The following CTNNA2 variants were observed in gnomAD, a reference collection of about 807,000 sequenced individuals.
CTNNA2 encodes the protein catenin alpha-2.
CTNNA2 carries 42 observed loss-of-function variants against 101.0 expected under a neutral mutation model. The observed-to-expected ratio is 0.42, with a 90% CI of 0.32 to 0.54. The LOEUF (loss-of-function observed/expected upper bound fraction) is 0.54, where lower values mean the gene tolerates loss of function less well. CTNNA2 is among the 20% of genes least tolerant of loss of function. CTNNA2 has a pLI of 0.14. For missense variants in CTNNA2, 871 were observed against 1,223.1 expected (o/e 0.71, Z 4.29); for synonymous variants, 450 against 456.4 (o/e 0.99, Z 0.18).
At chr2:80,147,726 G>C (rs560101125) in intron 7 of CTNNA2, among the ~76,000 whole-genome samples, 6 of 152,220 alleles carry the variant, frequency 3.9e-5, no homozygotes, top group Admixed American at 2.6e-4. Flanking sequence ...GCAGTGTTTT[G>C]TGTTAGTCAT....
At chr2:79,551,106 A>G (rs1674072260) in intron 1 of CTNNA2, among the ~76,000 whole-genome samples, 3 of 152,230 alleles carry the variant, frequency 2.0e-5, no homozygotes, top group African/African-American at 4.8e-5. Flanking sequence ...ATTCGTCACT[A>G]TATAGCTGCT....
chr2:79,303,244 T>C (rs914399824), intron 2 of CTNNA2, among the ~76,000 whole-genome samples: 2 of 152,164 alleles, frequency 1.3e-5, no homozygotes, highest in African/African-American at 4.8e-5. Context: ...AGGATCCACG[T>C]CCTGAAGTGG....
intron 3 of CTNNA2, among the ~76,000 whole-genome samples, chr2:79,351,847 C>G (rs533109262): frequency 2.0e-5 from 3 of 152,228 alleles, no homozygotes; most frequent in Admixed American, 2.0e-4. Flanking sequence ...TGATGAACAT[C>G]GTATTTGATT....
intron 9 of CTNNA2, among the ~76,000 whole-genome samples, chr2:80,474,481 G>A (rs917126736): frequency 3.9e-5 from 6 of 152,060 alleles, no homozygotes; most frequent in Non-Finnish European, 7.4e-5. Context: ...AACCAGAATT[G>A]GGCAGTTCCT....
At chr2:80,283,081 A>C (rs1674508177) in intron 7 of CTNNA2, among the ~76,000 whole-genome samples, 1 of 152,154 alleles carries the variant, frequency 6.6e-6, no homozygotes, top group Non-Finnish European at 1.5e-5. Context: ...TTAAAAAGTC[A>C]TGTAAATCAA....
chr2:79,451,160 A>G (rs1670745202), intron 4 of CTNNA2, among the ~76,000 whole-genome samples: 1 of 152,162 alleles, frequency 6.6e-6, no homozygotes, highest in Non-Finnish European at 1.5e-5. Flanking sequence ...GGAAAACAAC[A>G]TTGAACAAAA....
intron 7 of CTNNA2, among the ~76,000 whole-genome samples, chr2:80,267,118 G>T (rs528240208): frequency 6.6e-6 from 1 of 152,154 alleles, no homozygotes; most frequent in South Asian, 2.1e-4. Context: ...CTTCCCTGAG[G>T]GCTATATTAG....
intron 3 of CTNNA2, among the ~76,000 whole-genome samples, chr2:79,360,031 T>C (rs190091929): frequency 3.9e-4 from 60 of 152,294 alleles, no homozygotes; most frequent in Non-Finnish European, 6.6e-4. Flanking sequence ...TGTCAACACA[T>C]AAAAACTATA....
chr2:79,260,322 C>T (rs1247318292), intron 2 of CTNNA2, among the ~76,000 whole-genome samples: 1 of 152,156 alleles, frequency 6.6e-6, no homozygotes, highest in East Asian at 1.9e-4. Flanking sequence ...CTGGACATGA[C>T]CACAACACAT....
At chr2:80,163,149 C>T in intron 7 of CTNNA2, 1 of 1,549,074 alleles carries the variant, frequency 6.5e-7, no homozygotes, top group Admixed American at 1.7e-5. Flanking sequence ...ACTGGCCCAG[C>T]CTGGTGGAAA....
At chr2:80,441,982 C>G (rs1682632132) in intron 9 of CTNNA2, among the ~76,000 whole-genome samples, 1 of 152,242 alleles carries the variant, frequency 6.6e-6, no homozygotes. Flanking sequence ...GCAGGTGGCA[C>G]TATCCTTCTT....
intron 3 of CTNNA2, among the ~76,000 whole-genome samples, chr2:79,842,237 A>G (rs915700265): frequency 3.3e-5 from 5 of 152,224 alleles, no homozygotes; most frequent in African/African-American, 1.2e-4. Flanking sequence ...AAATGGTTAA[A>G]AGCCCAAATT....
chr2:79,626,606 CGTGTGTGTGTGTATGT>C (rs1416012318), intron 1 of CTNNA2, among the ~76,000 whole-genome samples: 1 of 127,376 alleles, frequency 7.9e-6, no homozygotes, highest in African/African-American at 3.1e-5. Context: ...TGTGTATGTG[CGTGTGTGTGTGTATGT>C]GTGTGTGTGT....
intron 14 of CTNNA2, among the ~76,000 whole-genome samples, chr2:80,582,971 A>G (rs1695665764): frequency 6.6e-6 from 1 of 152,146 alleles, no homozygotes; most frequent in African/African-American, 2.4e-5. Flanking sequence ...CTCACTCAAC[A>G]ATCAAGTGAC....
intron 7 of CTNNA2, among the ~76,000 whole-genome samples, chr2:80,357,605 G>C (rs1454544835): frequency 6.6e-6 from 1 of 151,960 alleles, no homozygotes; most frequent in African/African-American, 2.4e-5. Flanking sequence ...CAGAATATAG[G>C]AAAAAGGAGG....
chr2:79,344,142 G>A (rs948968443), intron 3 of CTNNA2, among the ~76,000 whole-genome samples: 1 of 152,024 alleles, frequency 6.6e-6, no homozygotes, highest in African/African-American at 2.4e-5. Context: ...AGAGGGGCAG[G>A]CATTGCCCAG....
chr2:79,947,236 A>AT (rs1252885290), intron 7 of CTNNA2, among the ~76,000 whole-genome samples: 8 of 152,030 alleles, frequency 5.3e-5, no homozygotes, highest in African/African-American at 1.7e-4. Flanking sequence ...TAATGAGCAC[A>AT]TTTTTTTCAC....
intron 7 of CTNNA2, among the ~76,000 whole-genome samples, chr2:80,256,015 G>A (rs1447835409): frequency 6.6e-6 from 1 of 152,092 alleles, no homozygotes; most frequent in East Asian, 1.9e-4. Flanking sequence ...TTTATTAAAT[G>A]AAGCTTTTTC....
intron 1 of CTNNA2, among the ~76,000 whole-genome samples, chr2:79,544,086 C>T (rs1835430): frequency 0.34 from 51,468 of 151,868 alleles, 9,457 homozygotes; most frequent in East Asian, 0.5. Context: ...TACAGGCGTG[C>T]GCCACCACAC....
Sources: gnomAD v4.1 joint callset for allele counts (sites outside exome capture counted in the v4.1 genomes callset) on GRCh38, gnomAD v4.1.1 for gene constraint, MANE v1.5 for transcripts, NCBI Gene and HGNC (gene_info 2026-07-23, HGNC 2026-07-21) for gene names.